Variants in DISP1 observed in about 807,000 individuals in gnomAD.
DISP1 encodes protein dispatched homolog 1.
A neutral mutation model predicts 37.3 loss-of-function variants in DISP1; 30 were observed. The ratio of observed to expected loss-of-function variants is 0.80; its 90% CI spans 0.60 to 1.09. DISP1 has a LOEUF of 1.09. Among genes scored for constraint, DISP1 ranks in the 50% least tolerant of loss-of-function variants. The pLI, the probability that DISP1 is intolerant of heterozygous loss-of-function variation, is 0.00. For synonymous variants in DISP1, 634 were observed against 690.2 expected (o/e 0.92, Z 1.28); for missense variants, 1,598 against 1,879.5 (o/e 0.85, Z 2.77).
intron 2 of DISP1, among the ~76,000 whole-genome samples, chr1:222,934,372 A>G (rs768159710): frequency 1.1e-4 from 17 of 152,102 alleles, no homozygotes; most frequent in Non-Finnish European, 2.4e-4. Context: ...AAAAATTTTA[A>G]TAGCCCTTTG....
intron 3 of DISP1, among the ~76,000 whole-genome samples, chr1:222,981,369 T>C (rs1461940194): frequency 2.0e-5 from 3 of 152,336 alleles, no homozygotes; most frequent in Non-Finnish European, 4.4e-5. Flanking sequence ...GGAATATATA[T>C]TCCCTAAAAT....
rs188241658 is a variant in DISP1, at chr1:222,837,081, A to G, written c.-159+22003A>G. 5.7e-4 allele frequency: 226 copies of G among 398,546 alleles called. 1 individual carries two copies. In the East Asian group the frequency reaches 7.8e-3, roughly 14 times the overall value. The allele number at this position is 398,546 out of a possible 1,614,324, so 24.7% of individuals were successfully genotyped here. On this transcript the variant is annotated intron_variant, in intron 1 of 8. Coordinates refer to ENST00000675850, the MANE Select transcript of DISP1 (RefSeq NM_001377229.1). ...GTATTTCCCAGGTAGATGCCGGTAGATTGGGCCCAGTAAGTTTGGGCCGTT... is the reference window on the plus strand; with the variant it reads ...GTATTTCCCAGGTAGATGCCGGTAGGTTGGGCCCAGTAAGTTTGGGCCGTT...
chr1:222,886,329 C>G (rs1476345866), intron 1 of DISP1, among the ~76,000 whole-genome samples: 1 of 152,182 alleles, frequency 6.6e-6, no homozygotes. Context: ...AGCTACCACA[C>G]CTGTTAGTTT....
In DISP1 at chr1:223,005,542, A is replaced by T; in HGVS notation, c.4145A>T (p.Glu1382Val). The change falls in exon 9 of 9, where the codon GAA becomes GTA. Residue 1382 changes from glutamate to valine, a missense_variant. Glu to Val is a moderately radical substitution (Grantham distance 121, BLOSUM62 -2). Transcript: ENST00000675850. Reference sequence around the variant, plus strand: ...GTACACAGTCTTCAGAGGAGCATAGAAGAGCATCTTCCAAAGATGGCAGAG... The same window carrying T: ...GTACACAGTCTTCAGAGGAGCATAGTAGAGCATCTTCCAAAGATGGCAGAG... ...TNVHSLQRSI[E>V]EHLPKMAEPS... 6.2e-7 allele frequency: 1 copy of T among 1,614,194 alleles called. No individual in the cohort carries two copies. The highest frequency in any genetic ancestry group is 8.5e-7 in the Non-Finnish European group (1 of 1,180,042).
intron 7 of DISP1, among the ~76,000 whole-genome samples, chr1:222,993,244 A>G (rs1055787192): frequency 6.6e-6 from 1 of 152,166 alleles, no homozygotes; most frequent in Non-Finnish European, 1.5e-5. Context: ...TTGCTGTAAC[A>G]TGGAGTCAGC....
intron 7 of DISP1, among the ~76,000 whole-genome samples, chr1:222,993,087 A>G (rs1178732692): frequency 6.6e-6 from 1 of 151,908 alleles, no homozygotes; most frequent in African/African-American, 2.4e-5. Context: ...GCTGCTCTCG[A>G]ACTCCCGAAC....
chr1:222,867,615 C>T (rs554506171), intron 1 of DISP1, among the ~76,000 whole-genome samples: 10 of 152,200 alleles, frequency 6.6e-5, no homozygotes, highest in African/African-American at 2.4e-4. Flanking sequence ...TAGAGAGTAC[C>T]TAGTGCAAGC....
At chr1:222,926,766 TG>T (rs1673107429) in intron 1 of DISP1, among the ~76,000 whole-genome samples, 1 of 151,936 alleles carries the variant, frequency 6.6e-6, no homozygotes, top group Non-Finnish European at 1.5e-5. Context: ...GCATTACACT[TG>T]GGGGCTATTT....
At chr1:222,991,887 A>G (rs1678721283) in intron 6 of DISP1, 126 bp from the exon 7 acceptor site, 3 of 879,408 alleles carry the variant, frequency 3.4e-6, no homozygotes, top group African/African-American at 1.7e-5. Flanking sequence ...TGCTTCTTCT[A>G]ATCCTTTCAA....
intron 1 of DISP1, among the ~76,000 whole-genome samples, chr1:222,846,809 T>C (rs1374591349): frequency 6.6e-6 from 1 of 152,278 alleles, no homozygotes. Flanking sequence ...TCTGTCCTTG[T>C]CCACATGTAT....
At chr1:222,973,076 A>G (rs1260181183) in intron 3 of DISP1, among the ~76,000 whole-genome samples, 2 of 30,568 alleles carry the variant, frequency 6.5e-5, no homozygotes, top group African/African-American at 1.1e-4. Context: ...TCTTTGTATA[A>G]TGTTACTTCT....
rs532583544 is a variant in DISP1 at position 222,930,914 on chromosome 1, T to C, written c.-18+2344T>C. Among the ~76,000 whole-genome samples the C allele has an allele frequency of 4.6e-5, 7 of 152,100 alleles. No individual in the cohort carries two copies. The South Asian group carries it at 1.5e-3, about 32-fold the overall frequency. ...TTAACTGTGTTTTATACAAATACCT[T>C]GAGTGATGTTTCCCAAGTTGCTCAG... On this transcript the variant is annotated intron_variant, in intron 2 of 8. Coordinates refer to ENST00000675850, the MANE Select transcript of DISP1 (RefSeq NM_001377229.1).
At chr1:222,854,033 C>G (rs917945499) in intron 1 of DISP1, among the ~76,000 whole-genome samples, 2 of 152,116 alleles carry the variant, frequency 1.3e-5, no homozygotes, top group Non-Finnish European at 2.9e-5. Flanking sequence ...TTAACAAGCT[C>G]TCATCAAGAT....
intron 1 of DISP1, among the ~76,000 whole-genome samples, chr1:222,881,628 C>T (rs1572414953): frequency 6.6e-6 from 1 of 152,198 alleles, no homozygotes; most frequent in Non-Finnish European, 1.5e-5. Flanking sequence ...GAGGTAAGAG[C>T]CATGCTTGCA....
chr1:223,005,448 C>A lies in DISP1; in HGVS notation c.4051C>A (p.Leu1351Met), dbSNP rs775867344. The change falls in exon 9 of 9, where the codon CTG becomes ATG. Residue 1351 changes from leucine (L) to methionine (M), a missense_variant. By Grantham distance (15) the Leu-to-Met change is conservative (BLOSUM62 2). Transcript: ENST00000675850. ...AAAGCCAGCCGGAATGCAGAATTCT[C>A]TGCCTAGGAATTTTTTCCTCCACCC... ...RVKPAGMQNS[L>M]PRNFFLHPVQ... 1 of 1,613,642 alleles carries A rather than the reference C, an allele frequency of 6.2e-7. No individual in the cohort carries two copies. The highest frequency in any genetic ancestry group is 1.7e-5 in the Admixed American group (1 of 60,022).
chr1:222,923,673 G>T (rs924231675), intron 1 of DISP1, among the ~76,000 whole-genome samples: 3 of 152,148 alleles, frequency 2.0e-5, no homozygotes, highest in Non-Finnish European at 4.4e-5. Context: ...CATGCTTGTG[G>T]AGATTTCCAG....
chr1:222,903,511 A>C (rs1671730761), intron 1 of DISP1, among the ~76,000 whole-genome samples: 1 of 152,080 alleles, frequency 6.6e-6, no homozygotes, highest in South Asian at 2.1e-4. Flanking sequence ...GTAAATACTA[A>C]ATTTATATAT....
intron 1 of DISP1, among the ~76,000 whole-genome samples, chr1:222,907,893 G>A (rs1671991782): frequency 6.6e-6 from 1 of 152,144 alleles, no homozygotes; most frequent in Non-Finnish European, 1.5e-5. Context: ...AGGTTGCAGT[G>A]AGCTGAAATT....
At chr1:222,817,986 A>G (rs1435001161) in intron 1 of DISP1, among the ~76,000 whole-genome samples, 3 of 152,250 alleles carry the variant, frequency 2.0e-5, no homozygotes, top group African/African-American at 7.2e-5. Context: ...ATCACATTAC[A>G]CTGTAGATGA....
Sources: allele counts gnomAD v4.1 joint callset (sites outside exome capture counted in the v4.1 genomes callset), GRCh38; gene constraint gnomAD v4.1.1; transcripts MANE v1.5; gene names NCBI Gene and HGNC (gene_info 2026-07-23, HGNC 2026-07-21).